Variants in CEP57L1 observed in about 807,000 individuals in gnomAD.
CEP57L1 encodes centrosomal protein CEP57L1.
In CEP57L1, 37 loss-of-function variants were observed where a neutral mutation model predicts 61.0. The observed-to-expected ratio is 0.61, with a 90% CI of 0.47 to 0.80. The LOEUF is 0.80. CEP57L1 is among the 30% of genes least tolerant of loss of function. The pLI is 0.00. For synonymous variants in CEP57L1, 137 were observed against 162.3 expected, an observed-to-expected ratio of 0.84 and a Z score of 1.19; for missense variants, 422 against 524.7, an observed-to-expected ratio of 0.80 and a Z score of 1.91.
chr6:109,146,892 A>G lies in CEP57L1; in HGVS notation c.295A>G (p.Asn99Asp). ...TAAGAAGGCCTTAGAGAATGAAACAAATGAGAGAAATCTGGCACACCAGGA... is the reference window on the plus strand; with the variant it reads ...TAAGAAGGCCTTAGAGAATGAAACAGATGAGAGAAATCTGGCACACCAGGA... ...QYKKALENETNERNLAHQELI... is the reference protein window; with the variant it reads ...QYKKALENETDERNLAHQELI... Residue 99 changes from asparagine (N) to aspartate (D), a missense_variant, in exon 3 of 11, where the codon AAT (asparagine) becomes GAT (aspartate). Asn to Asp is a conservative substitution (Grantham distance 23, BLOSUM62 1). Coordinates refer to ENST00000517392, the MANE Select transcript of CEP57L1 (RefSeq NM_001271852.3). 6.2e-7 allele frequency: 1 copy of G among 1,609,318 alleles called. No homozygotes were observed. Among genetic ancestry groups the G allele is most frequent in the Non-Finnish European group, 8.5e-7 (1 of 1,178,244 alleles).
chr6:109,112,709 T>C (rs1280410451), intron 1 of CEP57L1, among the ~76,000 whole-genome samples: 1 of 152,238 alleles, frequency 6.6e-6, no homozygotes, highest in African/African-American at 2.4e-5. Flanking sequence ...TGGTACGTTG[T>C]GTCTTTGTTC....
At position 109,170,123 on chromosome 6, in the gene CEP57L1, T is replaced by C. The variant is rs576707506; in HGVS notation, c.*7153T>C. Among the ~76,000 whole-genome samples, 1 of 152,058 alleles carries C rather than the reference T, an allele frequency of 6.6e-6. No homozygotes were observed. The highest frequency in any genetic ancestry group is 1.5e-5 in the Non-Finnish European group (1 of 68,008). On this transcript the variant is annotated 3_prime_UTR_variant, in exon 11 of 11. Coordinates refer to ENST00000517392, the MANE Select transcript of CEP57L1 (RefSeq NM_001271852.3). The stretch of plus-strand genomic sequence containing the variant: ...AATGGTCAGAAGGTAGGAAGAAGTG[T>C]TATAGGGTAATGAGCAATAATAAGG...
chr6:109,168,590 ATT>A lies in CEP57L1; in HGVS notation c.*5641_*5642del, dbSNP rs72093696. 2.6e-4 allele frequency among the ~76,000 whole-genome samples: 29 copies of A among 112,022 alleles called. No individual in the cohort carries two copies. The highest frequency in any genetic ancestry group is 3.3e-4 in the Non-Finnish European group (18 of 55,106). 73.5% of individuals were successfully genotyped at this position (112,022 alleles called of 152,430 possible). ...ATCAATTTAGCGGGTCACTACCAGCATTTTTTTTTTTTTTTTTTTTTTGAGAT... is the reference window on the plus strand; with the variant it reads ...ATCAATTTAGCGGGTCACTACCAGCATTTTTTTTTTTTTTTTTTTTGAGAT... On this transcript the variant is annotated 3_prime_UTR_variant, in exon 11 of 11. Transcript: ENST00000517392.
At chr6:109,147,133 TATC>T (rs1298666652) in intron 3 of CEP57L1, among the ~76,000 whole-genome samples, 196 bp downstream of exon 3, 1 of 152,168 alleles carries the variant, frequency 6.6e-6, no homozygotes, top group Admixed American at 6.6e-5. Context: ...ATATCTTACT[TATC>T]ATAATTCATA....
chr6:109,163,293 C>A lies in CEP57L1; in HGVS notation c.*323C>A, dbSNP rs1273453670. 2 of 196,280 alleles carry A rather than the reference C, an allele frequency of 1.0e-5. No individual in the cohort carries two copies. Among genetic ancestry groups the A allele is most frequent in the East Asian group, 1.4e-4 (1 of 7,166 alleles). 12.2% of individuals were successfully genotyped at this position (196,280 alleles called of 1,614,324 possible). A position where few individuals can be genotyped will look rare whatever the true frequency, so the allele number is the denominator to read the frequency against. On this transcript the variant is annotated 3_prime_UTR_variant, in exon 11 of 11. Transcript: ENST00000517392. ...TATTCAAAATTGAGTTAAATCCAAG[C>A]TACAAGTACCATTCATTCCACTTTT...
intron 2 of CEP57L1, 126 bp from the exon 3 acceptor site, chr6:109,146,632 T>A: frequency 1.7e-6 from 1 of 591,156 alleles, no homozygotes; most frequent in Non-Finnish European, 2.9e-6. Flanking sequence ...TTTTGAAGAA[T>A]ATGCATTACT....
chr6:109,100,207 A>G (rs969514605), intron 1 of CEP57L1: 1 of 152,204 alleles, frequency 6.6e-6, no homozygotes, highest in African/African-American at 2.4e-5. Context: ...GGTACCTAGT[A>G]CAAACTTAAT....
intron 8 of CEP57L1, 42 bp from the exon 9 acceptor site, chr6:109,159,227 G>T: frequency 6.2e-7 from 1 of 1,614,036 alleles, no homozygotes; most frequent in Non-Finnish European, 8.5e-7. Context: ...GTCTACCAGT[G>T]CAAGCTGTTC....
chr6:109,129,618 G>T (rs528210209), intron 1 of CEP57L1: 186 of 426,762 alleles, frequency 4.4e-4, no homozygotes, highest in Non-Finnish European at 7.5e-4. Flanking sequence ...ACAGAGGTGT[G>T]GCTAATTCCT....
At chr6:109,136,324 C>T (rs1485094067) in intron 1 of CEP57L1, among the ~76,000 whole-genome samples, 2 of 152,190 alleles carry the variant, frequency 1.3e-5, no homozygotes, top group African/African-American at 4.8e-5. Context: ...GACAAAAAAC[C>T]AAAGACCGCA....
At chr6:109,142,378 G>A (rs565228349) in intron 1 of CEP57L1, among the ~76,000 whole-genome samples, 18 of 152,242 alleles carry the variant, frequency 1.2e-4, no homozygotes, top group African/African-American at 4.3e-4. Flanking sequence ...ACCAAACACT[G>A]CATGTTCTCA....
chr6:109,101,872 G>A (rs896721969), intron 1 of CEP57L1, among the ~76,000 whole-genome samples: 2 of 152,182 alleles, frequency 1.3e-5, no homozygotes, highest in African/African-American at 4.8e-5. Flanking sequence ...GCCCGCCTCG[G>A]CCTCCCAAAG....
Position 109,159,012 on chromosome 6 carries a change from T to C in CEP57L1, c.745-13T>C, listed in dbSNP as rs901291467. Reference sequence around the variant, plus strand: ...TAATTTCTTGTTTACGTTTTTTTCTTGCCAATCTCTAGAAAACTAAATGTA... The same window carrying C: ...TAATTTCTTGTTTACGTTTTTTTCTCGCCAATCTCTAGAAAACTAAATGTA... On this transcript the variant is annotated splice_polypyrimidine_tract_variant and intron_variant, in intron 7 of 10. Coordinates refer to ENST00000517392, the MANE Select transcript of CEP57L1 (RefSeq NM_001271852.3). 9 of 1,592,916 alleles carry C rather than the reference T, an allele frequency of 5.7e-6. No homozygotes were observed. The highest frequency in any genetic ancestry group is 1.2e-5 in the South Asian group (1 of 86,334).
chr6:109,150,901 T>C (rs1388651279), intron 4 of CEP57L1, among the ~76,000 whole-genome samples: 1 of 152,122 alleles, frequency 6.6e-6, no homozygotes. Context: ...ATATATTTGT[T>C]ACTAGTAGGT....
At chr6:109,106,129 A>C (rs1219765113) in intron 1 of CEP57L1, 1 of 152,190 alleles carries the variant, frequency 6.6e-6, no homozygotes, top group African/African-American at 2.4e-5. Context: ...TCACAATGTA[A>C]TAATAATAGA....
At chr6:109,115,484 A>G (rs1357142155) in intron 1 of CEP57L1, among the ~76,000 whole-genome samples, 1 of 152,188 alleles carries the variant, frequency 6.6e-6, no homozygotes, top group Non-Finnish European at 1.5e-5. Flanking sequence ...GCTGGCATCT[A>G]TGTGCTATCA....
intron 1 of CEP57L1, among the ~76,000 whole-genome samples, chr6:109,113,210 A>G (rs577627379): frequency 3.9e-4 from 60 of 152,154 alleles, no homozygotes; most frequent in Middle Eastern, 6.8e-3. Context: ...GGGGGCATAT[A>G]TATTTAGGTA....
At chr6:109,162,694 G>T in intron 10 of CEP57L1, 55 bp from the exon 11 acceptor site, 3 of 1,128,636 alleles carry the variant, frequency 2.7e-6, no homozygotes, top group Non-Finnish European at 3.8e-6. Context: ...ATCTATTTTG[G>T]AATATATTTT....
At chr6:109,156,132 G>C (rs1773194009) in intron 7 of CEP57L1, 1 of 292,238 alleles carries the variant, frequency 3.4e-6, no homozygotes, top group Non-Finnish European at 6.3e-6. Context: ...AAAGCAAAAA[G>C]GAACATATAA....
Sources: allele counts gnomAD v4.1 joint callset (sites outside exome capture counted in the v4.1 genomes callset), GRCh38; gene constraint gnomAD v4.1.1; transcripts MANE v1.5; gene names NCBI Gene and HGNC (gene_info 2026-07-23, HGNC 2026-07-21).